PARN: variants seen among roughly 807,000 people sequenced by gnomAD.
PARN encodes the protein poly(A)-specific ribonuclease.
A neutral mutation model predicts 102.8 loss-of-function variants in PARN; 71 were observed. That is an observed-to-expected ratio of 0.69 (90% CI 0.57 to 0.84). The LOEUF is 0.84. PARN is among the 40% of genes least tolerant of loss of function. The pLI is 0.00. For missense variants in PARN, 782 were observed against 760.9 expected, an observed-to-expected ratio of 1.03 and a Z score of -0.33; for synonymous variants, 261 against 252.9, an observed-to-expected ratio of 1.03 and a Z score of -0.30.
At chr16:14,483,885 T>C (rs1963516205) in intron 21 of PARN, among the ~76,000 whole-genome samples, 1 of 152,212 alleles carries the variant, frequency 6.6e-6, no homozygotes, top group South Asian at 2.1e-4. Context: ...CAGGTGGTGT[T>C]TGGTTGCATG....
chr16:14,614,845 TCA>T (rs1971776441), intron 6 of PARN, among the ~76,000 whole-genome samples: 1 of 19,836 alleles, frequency 5.0e-5, no homozygotes, highest in Admixed American at 8.6e-4. Flanking sequence ...CGAAACTGTC[TCA>T]AAAAAAAAAA....
chr16:14,545,312 T>A (rs551293683), intron 21 of PARN, among the ~76,000 whole-genome samples: 120 of 152,288 alleles, frequency 7.9e-4, no homozygotes, highest in African/African-American at 2.8e-3. Flanking sequence ...TCTGGTAAAT[T>A]TAAGAGGACT....
At chr16:14,615,112 GA>G (rs1434051644) in intron 6 of PARN, among the ~76,000 whole-genome samples, 1 of 152,074 alleles carries the variant, frequency 6.6e-6, no homozygotes. Context: ...AGCCTGAATG[GA>G]AAGCCTTGAA....
At chr16:14,487,234 T>C (rs527306598) in intron 21 of PARN, among the ~76,000 whole-genome samples, 42 of 152,372 alleles carry the variant, frequency 2.8e-4, no homozygotes, top group African/African-American at 9.9e-4. Context: ...CCTGAGGTCT[T>C]GTAGGTAAGC....
At chr16:14,496,318 C>T (rs115572815) in intron 21 of PARN, among the ~76,000 whole-genome samples, 2,744 of 152,190 alleles carry the variant, frequency 0.018, 42 homozygotes, top group African/African-American at 0.038. Flanking sequence ...AGTGCTGACA[C>T]AGCAGCTTAA....
chr16:14,511,697 T>C (rs774737276), intron 21 of PARN, among the ~76,000 whole-genome samples: 23 of 152,132 alleles, frequency 1.5e-4, no homozygotes, highest in Non-Finnish European at 2.6e-4. Context: ...TGGTATGTTA[T>C]GTTATGTTAT....
At chr16:14,625,239 C>T (rs552414006) in intron 5 of PARN, among the ~76,000 whole-genome samples, 5 of 150,994 alleles carry the variant, frequency 3.3e-5, no homozygotes, top group African/African-American at 9.7e-5. Flanking sequence ...AGGCCGGGTG[C>T]GGTGGCTCAG....
At chr16:14,560,544 A>G (rs1967990575) in intron 18 of PARN, among the ~76,000 whole-genome samples, 3 of 152,222 alleles carry the variant, frequency 2.0e-5, no homozygotes, top group African/African-American at 4.8e-5. Context: ...AAACAGTGTA[A>G]CTCAAGTTCA....
At chr16:14,558,973 T>C (rs1967876442) in intron 18 of PARN, among the ~76,000 whole-genome samples, 1 of 152,090 alleles carries the variant, frequency 6.6e-6, no homozygotes, top group African/African-American at 2.4e-5. Flanking sequence ...GCCATCTGAA[T>C]TAATCTTTCG....
At chr16:14,460,394 A>C (rs1484321736) in intron 22 of PARN, among the ~76,000 whole-genome samples, 1 of 152,226 alleles carries the variant, frequency 6.6e-6, no homozygotes, top group Non-Finnish European at 1.5e-5. Context: ...GAAACTTTAC[A>C]AACTACAGCC....
intron 22 of PARN, among the ~76,000 whole-genome samples, chr16:14,480,170 T>A: frequency 6.6e-6 from 1 of 151,840 alleles, no homozygotes; most frequent in South Asian, 2.1e-4. Context: ...CTGTCTCTAC[T>A]AAAAAAACAA....
chr16:14,532,853 G>C (rs1253911033), intron 21 of PARN, among the ~76,000 whole-genome samples: 1 of 151,456 alleles, frequency 6.6e-6, no homozygotes, highest in East Asian at 2.0e-4. Context: ...GGCCGGGCGG[G>C]GGGCTGACCC....
At chr16:14,581,385 C>G (rs1271298963) in intron 17 of PARN, among the ~76,000 whole-genome samples, 1 of 152,114 alleles carries the variant, frequency 6.6e-6, no homozygotes, top group Non-Finnish European at 1.5e-5. Context: ...AAGTACCATA[C>G]CACAGCAAGT....
intron 22 of PARN, among the ~76,000 whole-genome samples, chr16:14,455,459 G>C (rs1159910273): frequency 6.6e-6 from 1 of 152,036 alleles, no homozygotes. Flanking sequence ...TATTTACAAA[G>C]AACCGTAGCC....
intron 18 of PARN, among the ~76,000 whole-genome samples, chr16:14,571,684 A>C (rs927491661): frequency 6.6e-6 from 1 of 152,186 alleles, no homozygotes; most frequent in Non-Finnish European, 1.5e-5. Context: ...AGCAGTGAGA[A>C]GTTAACTGAG....
intron 18 of PARN, among the ~76,000 whole-genome samples, chr16:14,572,447 C>T (rs1968871176): frequency 6.6e-6 from 1 of 151,916 alleles, no homozygotes; most frequent in Non-Finnish European, 1.5e-5. Context: ...ATGCATATTA[C>T]AAGAAAAACC....
chr16:14,579,691 T>G (rs972829716), intron 18 of PARN, among the ~76,000 whole-genome samples: 2 of 152,124 alleles, frequency 1.3e-5, no homozygotes, highest in Non-Finnish European at 2.9e-5. Flanking sequence ...GGACCTATAT[T>G]TAGCTGGCCA....
At chr16:14,508,697 T>C (rs892022385) in intron 21 of PARN, among the ~76,000 whole-genome samples, 7 of 151,594 alleles carry the variant, frequency 4.6e-5, no homozygotes, top group Non-Finnish European at 8.8e-5. Flanking sequence ...TTTCCAACAT[T>C]TGATAGAATT....
chr16:14,604,200 T>C lies in PARN; in HGVS notation c.729A>G (p.Lys243=), dbSNP rs1172901128. 6.9e-6 allele frequency: 11 copies of C among 1,597,726 alleles called. No homozygotes were observed. Among genetic ancestry groups the C allele is most frequent in the Non-Finnish European group, 7.7e-6 (9 of 1,169,644 alleles). The change falls in exon 11 of 24, where the codon AAA becomes AAG. Residue 243 remains lysine, a synonymous_variant. Coordinates refer to ENST00000437198, the MANE Select transcript of PARN (RefSeq NM_002582.4). ...EKKERYIVIS[K]VDEEERKRRE... is the part of the protein sequence containing the mutation. The stretch of plus-strand genomic sequence containing the variant: ...TTCTTTTGCGTTCTTCTTCATCTAC[T>C]TTGCTGATAACTATATATCGCTCCT...
Sources: allele counts gnomAD v4.1 joint callset (sites outside exome capture counted in the v4.1 genomes callset), GRCh38; gene constraint gnomAD v4.1.1; transcripts MANE v1.5; gene names NCBI Gene and HGNC (gene_info 2026-07-23, HGNC 2026-07-21).